Variants in UBN1 observed in about 807,000 individuals in gnomAD.
UBN1 encodes ubinuclein 1, also known as ubinuclein-1.
In UBN1, 17 loss-of-function variants were observed where a neutral mutation model predicts 108.5. The ratio of observed to expected loss-of-function variants is 0.16; its 90% CI spans 0.11 to 0.24. UBN1 has a LOEUF of 0.24. UBN1 is among the 10% of genes least tolerant of loss of function. UBN1 has a pLI of 1.00. For missense variants in UBN1, 1,595 were observed against 1,394.4 expected, an observed-to-expected ratio of 1.14 and a Z score of -2.29; for synonymous variants, 726 against 564.2, an observed-to-expected ratio of 1.29 and a Z score of -4.07.
intron 1 of UBN1, chr16:4,852,643 G>A: frequency 3.2e-6 from 1 of 311,836 alleles, no homozygotes; most frequent in Non-Finnish European, 6.0e-6. Flanking sequence ...TAAGGTCAAG[G>A]ATCTAGGATA....
At chr16:4,871,046 C>A in intron 11 of UBN1, 74 bp downstream of exon 11, 1 of 1,604,342 alleles carries the variant, frequency 6.2e-7, no homozygotes. Flanking sequence ...CTATTGCTGA[C>A]AAAGGTTAGG....
chr16:4,858,762 C>T (rs957955440), intron 4 of UBN1, 99 bp downstream of exon 4: 2 of 1,180,480 alleles, frequency 1.7e-6, no homozygotes, highest in East Asian at 2.4e-5. Flanking sequence ...CAGTCGTGCC[C>T]TCTTCCCAGC....
chr16:4,877,465 A>C lies in UBN1; in HGVS notation c.3346A>C (p.Ser1116Arg). The change falls in exon 17 of 18, where the codon AGT becomes CGT. Residue 1116 changes from serine (S) to arginine (R), a missense_variant. By Grantham distance (110) the Ser-to-Arg change is moderately radical. This residue lies in a region of UBN1 where 1,398 missense variants were observed against 1,194.7 expected (regional missense o/e 1.17). Coordinates refer to ENST00000262376, the MANE Select transcript of UBN1 (RefSeq NM_001079514.3). The surrounding 1 kb of genome is among the most constrained non-coding windows in gnomAD (Gnocchi z 4.3). ...HAAVPTHIPQ[S>R]LPGASQLHGK... ...TGCGGTGCCCACCCATATCCCGCAG[A>C]GTCTGCCAGGTAATCACCCGACGGT... The C allele has an allele frequency of 6.2e-7, 1 of 1,610,604 alleles. No homozygotes were observed. The highest frequency in any genetic ancestry group is 8.5e-7 in the Non-Finnish European group (1 of 1,179,234).
At chr16:4,876,271 T>C (rs957192327) in intron 15 of UBN1, among the ~76,000 whole-genome samples, 13 of 152,272 alleles carry the variant, frequency 8.5e-5, no homozygotes, top group Middle Eastern at 3.4e-3. Flanking sequence ...TTTTCTAATA[T>C]ATAAATGAAG....
At chr16:4,848,360 G>T in intron 1 of UBN1, 150 bp downstream of exon 1, 1 of 152,434 alleles carries the variant, frequency 6.6e-6, no homozygotes, top group Non-Finnish European at 1.5e-5. Context: ...AACTGCAGTT[G>T]AGCGCAGCGT....
chr16:4,856,266 G>A (rs1045196967), intron 2 of UBN1, among the ~76,000 whole-genome samples: 4 of 152,132 alleles, frequency 2.6e-5, no homozygotes, highest in African/African-American at 7.2e-5. Context: ...ATGCATGGAG[G>A]ATACACAGAG....
In UBN1 at chr16:4,874,555, AAGG is replaced by A. The variant is rs776117783; in HGVS notation, c.2147_2149del (p.Arg716del). The A allele has an allele frequency of 2.0e-5, 32 of 1,614,106 alleles. No homozygotes were observed. Among genetic ancestry groups the A allele is most frequent in the Non-Finnish European group, 2.6e-5 (31 of 1,180,052 alleles). ...GAGGCGTTTTATGTACAGAAGAAAA[AAGG>A]AACTTTGCGAAGCCTAGTCCTTCTG... On this transcript the variant is annotated inframe_deletion, in exon 15 of 18. Coordinates refer to ENST00000262376, the MANE Select transcript of UBN1 (RefSeq NM_001079514.3).
intron 7 of UBN1, among the ~76,000 whole-genome samples, chr16:4,861,915 C>T (rs2087084633): frequency 6.6e-6 from 1 of 152,208 alleles, no homozygotes; most frequent in South Asian, 2.1e-4. Flanking sequence ...GCACTCTAGC[C>T]TGGGCCACAG....
intron 8 of UBN1, among the ~76,000 whole-genome samples, chr16:4,869,777 A>C (rs542136170): frequency 5.9e-5 from 9 of 152,210 alleles, no homozygotes; most frequent in Admixed American, 5.9e-4. Context: ...CTAGATGGAG[A>C]AACTGGAGGG....
chr16:4,876,936 C>T lies in UBN1; in HGVS notation c.3090C>T (p.Ser1030=). ...SSLMASPYKS[S]SPKLSGAMSS... ...TGATGGCTTCACCCTACAAATCCAG[C>T]AGCCCAAAGCTGTCTGGGGCCATGA... The change falls in exon 16 of 18, where the codon AGC becomes AGT. Residue 1030 remains serine (S), a synonymous_variant. Coordinates refer to ENST00000262376, the MANE Select transcript of UBN1 (RefSeq NM_001079514.3). 6 of 1,614,062 alleles carry T rather than the reference C, an allele frequency of 3.7e-6. No individual in the cohort carries two copies. Among genetic ancestry groups the T allele is most frequent in the South Asian group, 1.1e-5 (1 of 91,062 alleles).
intron 2 of UBN1, among the ~76,000 whole-genome samples, chr16:4,856,472 C>G (rs1486507427): frequency 6.6e-6 from 1 of 152,248 alleles, no homozygotes; most frequent in East Asian, 1.9e-4. Context: ...AGAGAAAACA[C>G]TGTACCAGCC....
chr16:4,853,874 A>G (rs542987163), intron 2 of UBN1, among the ~76,000 whole-genome samples: 5 of 151,722 alleles, frequency 3.3e-5, no homozygotes, highest in Admixed American at 2.0e-4. Context: ...AACTTGATGG[A>G]TTTTCATGAA....
intron 2 of UBN1, among the ~76,000 whole-genome samples, chr16:4,854,183 G>A (rs1455235227): frequency 1.3e-5 from 2 of 151,886 alleles, no homozygotes; most frequent in Non-Finnish European, 1.5e-5. Flanking sequence ...GCAGGCGTCC[G>A]CCACCACGCC....
chr16:4,873,342 C>T (rs2087731312), intron 14 of UBN1, among the ~76,000 whole-genome samples: 1 of 152,144 alleles, frequency 6.6e-6, no homozygotes, highest in African/African-American at 2.4e-5. Flanking sequence ...TCTGAGGAGT[C>T]AGTAGTCCCT....
At chr16:4,858,718 G>C (rs950374513) in intron 4 of UBN1, 55 bp downstream of exon 4, 6 of 1,556,578 alleles carry the variant, frequency 3.9e-6, no homozygotes, top group African/African-American at 2.7e-5. Flanking sequence ...AGCTCCTCCT[G>C]ATACTGACCA....
Position 4,877,653 on chromosome 16 carries a change from G to C in UBN1, c.3355+179G>C, listed in dbSNP as rs1041091473. The C allele has an allele frequency of 7.7e-7, 1 of 1,306,858 alleles. No homozygotes were observed. The highest frequency in any genetic ancestry group is 9.7e-7 in the Non-Finnish European group (1 of 1,028,998). The allele number at this position is 1,306,858 out of a possible 1,614,324, so 81.0% of individuals were successfully genotyped here. A position where few individuals can be genotyped will look rare whatever the true frequency, so the allele number is the denominator to read the frequency against. On this transcript the variant is annotated intron_variant, in intron 17 of 17. Coordinates refer to ENST00000262376, the MANE Select transcript of UBN1 (RefSeq NM_001079514.3). This position sits in a 1 kb window ranked among gnomAD's most constrained non-coding sequence, Gnocchi z 4.3. ...GGGTGACACGCACTTCTACTCTTGG[G>C]GTTTCCTCTGGTCCCCACTTGGAGC...
At chr16:4,873,724 G>T (rs530579475) in intron 14 of UBN1, among the ~76,000 whole-genome samples, 1 of 152,302 alleles carries the variant, frequency 6.6e-6, no homozygotes, top group South Asian at 2.1e-4. Context: ...TGAAGGATTA[G>T]ACCCCATTCC....
intron 15 of UBN1, among the ~76,000 whole-genome samples, chr16:4,876,253 C>T (rs2087879383): frequency 1.3e-5 from 2 of 152,062 alleles, no homozygotes; most frequent in South Asian, 4.1e-4. Flanking sequence ...CCACTGCACC[C>T]GGCCTCTTTT....
chr16:4,882,128 G>A lies in UBN1; in HGVS notation c.*1996G>A, dbSNP rs2088091112. ...ATGACTGAACAGCCATGGCAAGGCA[G>A]ACCTACAGGCGAGGCCGCAGCAGAG... On this transcript the variant is annotated 3_prime_UTR_variant, in exon 18 of 18. Transcript: ENST00000262376. 6.6e-6 allele frequency: 1 copy of A among 152,592 alleles called. No homozygotes were observed. Among genetic ancestry groups the A allele is most frequent in the South Asian group, 2.1e-4 (1 of 4,822 alleles). 9.5% of individuals were successfully genotyped at this position (152,592 alleles called of 1,614,324 possible). A position where few individuals can be genotyped will look rare whatever the true frequency, so the allele number is the denominator to read the frequency against.
Sources: gnomAD v4.1 joint callset for allele counts (sites outside exome capture counted in the v4.1 genomes callset) on GRCh38, gnomAD v4.1.1 for gene constraint, gnomAD v4.1.1 regional missense constraint, Gnocchi (gnomAD v3.1) non-coding constraint, MANE v1.5 for transcripts, NCBI Gene and HGNC (gene_info 2026-07-23, HGNC 2026-07-21) for gene names.